Variants in NPL observed in about 807,000 individuals in gnomAD.
NPL encodes the protein N-acetylneuraminate pyruvate lyase.
In NPL, 32 loss-of-function variants were observed where a neutral mutation model predicts 41.1. The ratio of observed to expected loss-of-function variants is 0.78; its 90% CI spans 0.59 to 1.05. The LOEUF (loss-of-function observed/expected upper bound fraction) is 1.05, where lower values mean the gene tolerates loss of function less well. Ranked by LOEUF, NPL falls within the 50% of genes least tolerant of loss-of-function variation. The pLI is 0.00. For missense variants in NPL, 321 were observed against 378.4 expected (o/e 0.85, Z 1.26); for synonymous variants, 128 against 134.9 (o/e 0.95, Z 0.35).
Position 182,830,340 on chromosome 1 carries a change from A to C in NPL, c.*1432A>C, listed in dbSNP as rs563310506. 4 of 152,358 alleles carry C rather than the reference A, an allele frequency of 2.6e-5. No homozygotes were observed. The East Asian group carries it at 5.8e-4, about 22-fold the overall frequency. The allele number at this position is 152,358 out of a possible 1,614,324, so 9.4% of individuals were successfully genotyped here. ...GATACTAAAGCCAAATTTAAATTCT[A>C]AAATTAATTCTTGGGTATCCAATAA... is the stretch of plus-strand genomic sequence containing the variant. On this transcript the variant is annotated 3_prime_UTR_variant, in exon 13 of 13. Coordinates refer to ENST00000367553, the MANE Select transcript of NPL (RefSeq NM_030769.3).
In NPL at chr1:182,828,811, C is replaced by T. The variant is rs142176724; in HGVS notation, c.866C>T (p.Ser289Phe). The change falls in exon 13 of 13, where the codon TCC (serine) becomes TTC (phenylalanine). Residue 289 changes from serine (S) to phenylalanine (F), a missense_variant. Coordinates refer to ENST00000367553, the MANE Select transcript of NPL (RefSeq NM_030769.3). This position sits in a 1 kb window ranked among gnomAD's most constrained non-coding sequence, Gnocchi z 4.0. The part of the protein sequence containing the change: ...GPPRLPLQKA[S>F]REFTDSAEAK... ...CCCCGGCTTCCACTGCAGAAAGCCT[C>T]CAGGGAGTTTACTGATAGTGCTGAA... 25 of 1,614,182 alleles carry T rather than the reference C, an allele frequency of 1.5e-5. 1 individual carries two copies. The highest frequency in any genetic ancestry group is 2.2e-5 in the South Asian group (2 of 91,084).
chr1:182,814,931 A>G (rs1667281585), intron 7 of NPL, 73 bp downstream of exon 7: 1 of 1,243,230 alleles, frequency 8.0e-7, no homozygotes, highest in African/African-American at 1.5e-5. Flanking sequence ...AAATGGTTAT[A>G]TTTAATTTGT....
chr1:182,795,280 A>G (rs1666628044), intron 3 of NPL, among the ~76,000 whole-genome samples: 2 of 152,176 alleles, frequency 1.3e-5, no homozygotes, highest in African/African-American at 4.8e-5. Flanking sequence ...TTTCTATGTA[A>G]TATTATAATA....
Position 182,830,305 on chromosome 1 carries a change from C to T in NPL, c.*1397C>T, listed in dbSNP as rs773593298. 6.6e-6 allele frequency: 1 copy of T among 152,090 alleles called. No homozygotes were observed. Among genetic ancestry groups the T allele is most frequent in the African/African-American group, 2.4e-5 (1 of 41,412 alleles). The allele number at this position is 152,090 out of a possible 1,614,324, so 9.4% of individuals were successfully genotyped here. ...TTTTTGGTTCTGAGGATGTGATATC[C>T]GTACTTACTGATACTAAAGCCAAAT... On this transcript the variant is annotated 3_prime_UTR_variant, in exon 13 of 13. Coordinates refer to ENST00000367553, the MANE Select transcript of NPL (RefSeq NM_030769.3).
chr1:182,796,323 C>T (rs1471255542), intron 3 of NPL, among the ~76,000 whole-genome samples: 2 of 152,036 alleles, frequency 1.3e-5, no homozygotes, highest in Non-Finnish European at 2.9e-5. Context: ...TATAAAGTAG[C>T]TTTGGAACAC....
intron 3 of NPL, among the ~76,000 whole-genome samples, chr1:182,797,374 A>G (rs978382961): frequency 6.6e-6 from 1 of 152,196 alleles, no homozygotes; most frequent in African/African-American, 2.4e-5. Context: ...CTCGGGCTGT[A>G]TCATACTACA....
intron 3 of NPL, chr1:182,795,736 G>A (rs2102526982): frequency 6.6e-6 from 1 of 152,190 alleles, no homozygotes; most frequent in East Asian, 1.9e-4. Context: ...CAAGTTTTAA[G>A]AAAGACTGGC....
At chr1:182,824,509 G>A (rs962740135) in intron 11 of NPL, among the ~76,000 whole-genome samples, 1 of 152,116 alleles carries the variant, frequency 6.6e-6, no homozygotes. Flanking sequence ...GATGCATGAG[G>A]TTCTAAGGCC....
At chr1:182,808,955 G>C (rs1350409177) in intron 5 of NPL, among the ~76,000 whole-genome samples, 2 of 124,170 alleles carry the variant, frequency 1.6e-5, no homozygotes, top group African/African-American at 7.3e-5. Flanking sequence ...GCAAAACCCT[G>C]TCTTAAAAAA....
intron 3 of NPL, among the ~76,000 whole-genome samples, chr1:182,800,134 G>A (rs936190780): frequency 2.4e-4 from 36 of 152,006 alleles, no homozygotes; most frequent in Admixed American, 6.6e-5. Flanking sequence ...GAGTAGGGTG[G>A]GAAAACAAGT....
chr1:182,816,882 C>A, intron 8 of NPL, 76 bp downstream of exon 8: 2 of 1,119,424 alleles, frequency 1.8e-6, no homozygotes, highest in South Asian at 1.3e-5. Context: ...AAACTCCACT[C>A]CATCCCACCC....
intron 3 of NPL, among the ~76,000 whole-genome samples, chr1:182,796,002 G>A (rs780692402): frequency 3.9e-5 from 6 of 152,020 alleles, no homozygotes; most frequent in African/African-American, 7.2e-5. Flanking sequence ...CTGTTTTGCC[G>A]TTTTCCTGGA....
chr1:182,825,943 G>C, intron 12 of NPL, 123 bp downstream of exon 12: 2 of 833,742 alleles, frequency 2.4e-6, no homozygotes, highest in Non-Finnish European at 4.2e-6. Flanking sequence ...GCAGAGTTCT[G>C]TTTCCCTTAT....
In NPL at chr1:182,829,903, C is replaced by T. The variant is rs2102575913; in HGVS notation, c.*995C>T. 5.0e-6 allele frequency: 2 copies of T among 402,016 alleles called. No homozygotes were observed. The highest frequency in any genetic ancestry group is 6.0e-5 in the South Asian group (1 of 16,786). The allele number at this position is 402,016 out of a possible 1,614,324, so 24.9% of individuals were successfully genotyped here. ...TAATGTATCAACAACTGTTTAATCTCCCTTCTAACAAACCTTGATATAAGC... is the reference window on the plus strand; with the variant it reads ...TAATGTATCAACAACTGTTTAATCTTCCTTCTAACAAACCTTGATATAAGC... On this transcript the variant is annotated 3_prime_UTR_variant, in exon 13 of 13. Coordinates refer to ENST00000367553, the MANE Select transcript of NPL (RefSeq NM_030769.3).
intron 8 of NPL, among the ~76,000 whole-genome samples, chr1:182,818,220 C>G (rs1667389002): frequency 6.6e-6 from 1 of 152,144 alleles, no homozygotes; most frequent in African/African-American, 2.4e-5. Context: ...GGGTCAAAGA[C>G]CAAGTATTAG....
intron 2 of NPL, among the ~76,000 whole-genome samples, chr1:182,793,087 A>G (rs1666561286): frequency 6.6e-6 from 1 of 152,252 alleles, no homozygotes; most frequent in East Asian, 1.9e-4. Flanking sequence ...TATCTTTTGT[A>G]GAATTGTCAT....
chr1:182,815,004 T>C lies in NPL; in HGVS notation c.364+146T>C, dbSNP rs16859706. 5,127 of 681,940 alleles carry C rather than the reference T, an allele frequency of 7.5e-3. 175 individuals carry two copies. The African/African-American group carries it at 0.081, about 11-fold the overall frequency. 42.2% of individuals were successfully genotyped at this position (681,940 alleles called of 1,614,324 possible). A position where few individuals can be genotyped will look rare whatever the true frequency, so the allele number is the denominator to read the frequency against. On this transcript the variant is annotated intron_variant, in intron 7 of 12. Transcript: ENST00000367553. ...AATGGTACAGTGGTTCTCTGAAATATTTGCTCTCCCTGGATCCATAAAAGA... is the reference window on the plus strand; with the variant it reads ...AATGGTACAGTGGTTCTCTGAAATACTTGCTCTCCCTGGATCCATAAAAGA...
At chr1:182,790,246 C>G (rs1318779714) in intron 1 of NPL, among the ~76,000 whole-genome samples, 2 of 152,168 alleles carry the variant, frequency 1.3e-5, no homozygotes, top group Non-Finnish European at 2.9e-5. Flanking sequence ...GAGGTACATT[C>G]TGCCCTCACT....
chr1:182,809,606 G>A (rs541744035), intron 5 of NPL, among the ~76,000 whole-genome samples: 8 of 152,084 alleles, frequency 5.3e-5, no homozygotes, highest in South Asian at 2.1e-4. Flanking sequence ...CCACACACAG[G>A]TGGAGAGAAG....
Sources: gnomAD v4.1 joint callset for allele counts (sites outside exome capture counted in the v4.1 genomes callset) on GRCh38, gnomAD v4.1.1 for gene constraint, Gnocchi (gnomAD v3.1) non-coding constraint, MANE v1.5 for transcripts, NCBI Gene and HGNC (gene_info 2026-07-23, HGNC 2026-07-21) for gene names.